GRIK2: variants seen among roughly 807,000 people sequenced by gnomAD.
GRIK2 encodes the protein glutamate receptor ionotropic, kainate 2.
A neutral mutation model predicts 100.3 loss-of-function variants in GRIK2; 32 were observed. The observed-to-expected ratio is 0.32, with a 90% CI of 0.24 to 0.43. GRIK2 has a LOEUF of 0.43. GRIK2 is among the 20% of genes least tolerant of loss of function. The probability of loss-of-function intolerance (pLI) is 1.00; values close to 1 mark genes in which losing one functional copy is unlikely to be tolerated. For synonymous variants in GRIK2, 417 were observed against 389.4 expected (o/e 1.07, Z -0.83); for missense variants, 843 against 1,114.9 (o/e 0.76, Z 3.47).
At chr6:102,056,334 A>C (rs1463762685) in intron 16 of GRIK2, among the ~76,000 whole-genome samples, 1 of 151,980 alleles carries the variant, frequency 6.6e-6, no homozygotes, top group Non-Finnish European at 1.5e-5. Flanking sequence ...CTAGTGCTAT[A>C]ATTTCCTCAT....
chr6:101,559,071 T>C (rs1377888253), intron 2 of GRIK2, among the ~76,000 whole-genome samples: 1 of 152,116 alleles, frequency 6.6e-6, no homozygotes, highest in Non-Finnish European at 1.5e-5. Context: ...AGTCAGTCAT[T>C]CTCTTAAAAT....
intron 2 of GRIK2, among the ~76,000 whole-genome samples, chr6:101,601,625 T>C (rs931669117): frequency 6.6e-6 from 1 of 151,994 alleles, no homozygotes; most frequent in Non-Finnish European, 1.5e-5. Context: ...TGTTGATCTG[T>C]TCAGGGTTTT....
intron 10 of GRIK2, among the ~76,000 whole-genome samples, chr6:101,823,872 T>TG (rs1782128810): frequency 1.3e-5 from 2 of 150,900 alleles, no homozygotes; most frequent in African/African-American, 2.4e-5. Context: ...GTTTTTTTTT[T>TG]TTTGTTTTTT....
At position 101,686,996 on chromosome 6, in the gene GRIK2, G is replaced by A. The variant is rs141055126; in HGVS notation, c.951+643G>A. ...AATGGCAAGGCATACATAATTTTAA[G>A]TTTTCTTATACTGTGTCCTCCAAAA... On this transcript the variant is annotated intron_variant, in intron 7 of 16. Transcript: ENST00000369134. Among the ~76,000 whole-genome samples the A allele has an allele frequency of 1.6e-3, 242 of 152,116 alleles. 2 individuals are homozygous for A. Among genetic ancestry groups the A allele is most frequent in the African/African-American group, 4.8e-3 (201 of 41,542 alleles).
chr6:101,911,157 C>G (rs988604897), intron 12 of GRIK2, among the ~76,000 whole-genome samples: 1 of 151,202 alleles, frequency 6.6e-6, no homozygotes, highest in African/African-American at 2.4e-5. Flanking sequence ...AAAGTCAGAG[C>G]TAGTTTGAGA....
intron 4 of GRIK2, among the ~76,000 whole-genome samples, chr6:101,653,755 G>T (rs577835692): frequency 1.3e-5 from 2 of 151,974 alleles, no homozygotes; most frequent in Admixed American, 1.3e-4. Context: ...GAGTAGCTGG[G>T]ATTACAGTTG....
chr6:101,592,827 G>T (rs987105894), intron 2 of GRIK2, among the ~76,000 whole-genome samples: 1 of 151,130 alleles, frequency 6.6e-6, no homozygotes, highest in African/African-American at 2.4e-5. Flanking sequence ...TGAGAGATGA[G>T]AAAATGACAA....
chr6:101,847,124 A>T (rs75224942), intron 10 of GRIK2, among the ~76,000 whole-genome samples: 126 of 152,100 alleles, frequency 8.3e-4, no homozygotes, highest in Non-Finnish European at 1.2e-3. Context: ...TTTAATGTAG[A>T]TATATACAGC....
chr6:102,031,128 C>CACACACACACACA (rs1562124651), intron 14 of GRIK2, among the ~76,000 whole-genome samples: 2 of 65,450 alleles, frequency 3.1e-5, no homozygotes, highest in East Asian at 4.5e-4. Context: ...CACACACACA[C>CACACACACACACA]CCCCTTTGAG....
intron 8 of GRIK2, among the ~76,000 whole-genome samples, chr6:101,800,044 G>A (rs1186106663): frequency 3.3e-5 from 5 of 151,970 alleles, no homozygotes; most frequent in Non-Finnish European, 5.9e-5. Flanking sequence ...TTTCCTTTAT[G>A]TAGAGATATA....
At chr6:101,529,269 A>C (rs1021349351) in intron 2 of GRIK2, among the ~76,000 whole-genome samples, 6 of 152,132 alleles carry the variant, frequency 3.9e-5, no homozygotes, top group African/African-American at 1.4e-4. Context: ...TCAGTGAATG[A>C]ACTTTGTAGA....
intron 11 of GRIK2, among the ~76,000 whole-genome samples, chr6:101,888,370 T>G (rs1322223319): frequency 7.2e-5 from 11 of 152,196 alleles, no homozygotes. Flanking sequence ...ATGGGGAATG[T>G]GACAATTCCT....
intron 2 of GRIK2, among the ~76,000 whole-genome samples, chr6:101,513,744 T>G (rs1774436938): frequency 1.3e-5 from 2 of 152,258 alleles, no homozygotes; most frequent in South Asian, 4.1e-4. Context: ...ATTTGTGAGA[T>G]ATGATTAAAG....
intron 2 of GRIK2, among the ~76,000 whole-genome samples, chr6:101,460,902 A>C (rs981030669): frequency 1.3e-5 from 2 of 152,144 alleles, no homozygotes; most frequent in Non-Finnish European, 2.9e-5. Flanking sequence ...CTTATAATGA[A>C]ATTTATGTAG....
chr6:101,503,595 C>T (rs1773878003), intron 2 of GRIK2, among the ~76,000 whole-genome samples: 1 of 152,044 alleles, frequency 6.6e-6, no homozygotes, highest in African/African-American at 2.4e-5. Context: ...TTTTGACATT[C>T]TTCTGGATGT....
intron 2 of GRIK2, among the ~76,000 whole-genome samples, chr6:101,602,252 G>A (rs1243242859): frequency 6.6e-6 from 1 of 151,300 alleles, no homozygotes; most frequent in African/African-American, 2.4e-5. Context: ...GATCTTTTTG[G>A]TGTTGATTTT....
chr6:101,546,146 T>C (rs1776221743), intron 2 of GRIK2, among the ~76,000 whole-genome samples: 1 of 152,188 alleles, frequency 6.6e-6, no homozygotes, highest in South Asian at 2.1e-4. Flanking sequence ...CATTCTACTC[T>C]ATAGGCAAGA....
At chr6:101,458,847 C>A (rs948144223) in intron 2 of GRIK2, among the ~76,000 whole-genome samples, 30 of 152,108 alleles carry the variant, frequency 2.0e-4, no homozygotes, top group Non-Finnish European at 3.4e-4. Context: ...CCAAAGATTT[C>A]TTGATTTTAA....
At chr6:101,746,784 T>C (rs1194076460) in intron 7 of GRIK2, among the ~76,000 whole-genome samples, 2 of 151,684 alleles carry the variant, frequency 1.3e-5, no homozygotes, top group African/African-American at 2.4e-5. Context: ...TGCATATGTG[T>C]ATGCACACAC....
Sources: allele counts gnomAD v4.1 joint callset (sites outside exome capture counted in the v4.1 genomes callset), GRCh38; gene constraint gnomAD v4.1.1; transcripts MANE v1.5; gene names NCBI Gene and HGNC (gene_info 2026-07-23, HGNC 2026-07-21).